PHACTR1: variants seen among roughly 807,000 people sequenced by gnomAD.
PHACTR1 encodes the protein phosphatase and actin regulator 1.
PHACTR1 carries 16 observed loss-of-function variants against 69.2 expected under a neutral mutation model. The observed-to-expected ratio is 0.23, with a 90% CI of 0.16 to 0.35. The LOEUF is 0.35. Ranked by LOEUF, PHACTR1 falls within the 10% of genes least tolerant of loss-of-function variation. The pLI, the probability that PHACTR1 is intolerant of heterozygous loss-of-function variation, is 1.00. For missense variants in PHACTR1, 510 were observed against 734.7 expected, an observed-to-expected ratio of 0.69 and a Z score of 3.54; for synonymous variants, 312 against 284.5, an observed-to-expected ratio of 1.10 and a Z score of -0.97.
chr6:13,185,651 G>A (rs1437672929), intron 7 of PHACTR1, among the ~76,000 whole-genome samples: 3 of 152,162 alleles, frequency 2.0e-5, no homozygotes, highest in Non-Finnish European at 4.4e-5. Context: ...ACTGCACTTT[G>A]GCACATGAAT....
At chr6:12,881,754 G>A (rs755638631) in intron 4 of PHACTR1, among the ~76,000 whole-genome samples, 17 of 152,064 alleles carry the variant, frequency 1.1e-4, no homozygotes, top group Non-Finnish European at 1.5e-5. Context: ...CTAAGTAAAT[G>A]GTACTAAACA....
rs1220712730 is a variant in PHACTR1, at chr6:13,206,036, C to G, written c.886C>G (p.Leu296Val). Reference sequence around the variant, plus strand: ...GCAGTACGGCAGCCACGGCCAGCACCTCCCCTCCACCACCGGCTCCCTCCC... The same window carrying G: ...GCAGTACGGCAGCCACGGCCAGCACGTCCCCTCCACCACCGGCTCCCTCCC... The part of the protein sequence containing the change: ...QLQYGSHGQH[L>V]PSTTGSLPMH... Residue 296 changes from leucine (L) to valine (V), a missense_variant, in exon 8 of 15, where the codon CTC (leucine) becomes GTC (valine). By Grantham distance (32) the Leu-to-Val change is conservative. This residue lies in a region of PHACTR1 where 419 missense variants were observed against 530.9 expected (regional missense o/e 0.79). Coordinates refer to ENST00000332995, the MANE Select transcript of PHACTR1 (RefSeq NM_030948.6). The G allele has an allele frequency of 6.2e-7, 1 of 1,613,848 alleles. No individual in the cohort carries two copies. The highest frequency in any genetic ancestry group is 8.5e-7 in the Non-Finnish European group (1 of 1,179,888).
rs139920586 is a variant in PHACTR1, at chr6:13,248,656, A to G, written c.1391+18463A>G. 3.7e-3 allele frequency among the ~76,000 whole-genome samples: 560 copies of G among 152,262 alleles called. 4 individuals carry two copies. The highest frequency in any genetic ancestry group is 0.013 in the African/African-American group (547 of 41,536). ...GTGAGAGACCCTGTTAGAGGAGATA[A>G]ATCATCATTGTAAGGCCAATTAGTA... is the stretch of plus-strand genomic sequence containing the variant. On this transcript the variant is annotated intron_variant, in intron 10 of 14. Transcript: ENST00000332995.
chr6:12,988,008 A>T (rs575953978), intron 4 of PHACTR1, among the ~76,000 whole-genome samples: 1 of 152,168 alleles, frequency 6.6e-6, no homozygotes, highest in Non-Finnish European at 1.5e-5. Flanking sequence ...CCACTGGTGC[A>T]CATTTCTAAG....
chr6:13,170,452 A>G (rs1583698690), intron 6 of PHACTR1, among the ~76,000 whole-genome samples: 1 of 152,156 alleles, frequency 6.6e-6, no homozygotes, highest in African/African-American at 2.4e-5. Flanking sequence ...TGCCTCATCC[A>G]CATGTCCCCG....
rs376469545 is a variant in PHACTR1, at chr6:12,816,016, C to G, written c.250+66226C>G. On this transcript the variant is annotated intron_variant, in intron 4 of 14. Coordinates refer to ENST00000332995, the MANE Select transcript of PHACTR1 (RefSeq NM_030948.6). ...TGGGCAAGGCAAGAGAAAGTTAACT[C>G]ACTACACCTCTTCACCCCTGCAGGT... is the stretch of plus-strand genomic sequence containing the variant. Among the ~76,000 whole-genome samples the G allele has an allele frequency of 2.0e-5, 3 of 152,298 alleles. No homozygotes were observed. The South Asian group carries it at 6.2e-4, about 32-fold the overall frequency.
chr6:12,844,213 A>G (rs539092917), intron 4 of PHACTR1, among the ~76,000 whole-genome samples: 1 of 152,220 alleles, frequency 6.6e-6, no homozygotes, highest in African/African-American at 2.4e-5. Context: ...TGGGCAACAT[A>G]GCAAGATTCC....
chr6:13,153,566 A>G (rs1757759392), intron 5 of PHACTR1, among the ~76,000 whole-genome samples: 1 of 152,214 alleles, frequency 6.6e-6, no homozygotes, highest in Non-Finnish European at 1.5e-5. Context: ...TGTTTCTAGA[A>G]GTAGTCTTTG....
chr6:12,845,732 C>T (rs1373283734), intron 4 of PHACTR1, among the ~76,000 whole-genome samples: 1 of 152,116 alleles, frequency 6.6e-6, no homozygotes, highest in African/African-American at 2.4e-5. Context: ...GGCTCTGATA[C>T]GGAATTGTGC....
intron 4 of PHACTR1, among the ~76,000 whole-genome samples, chr6:12,886,578 G>A (rs189525324): frequency 9.9e-5 from 15 of 152,246 alleles, no homozygotes; most frequent in South Asian, 2.1e-4. Context: ...CAAAGGATTC[G>A]CTGAACTTGA....
In PHACTR1 at chr6:12,812,814, C is replaced by T. The variant is rs116187287; in HGVS notation, c.250+63024C>T. On this transcript the variant is annotated intron_variant, in intron 4 of 14. Coordinates refer to ENST00000332995, the MANE Select transcript of PHACTR1 (RefSeq NM_030948.6). ...AAGAGAGACTTATTACAGAAATTCC[C>T]GTTGCACTTCAGCGGTGTGTAATTG... Among the ~76,000 whole-genome samples the T allele has an allele frequency of 2.4e-3, 370 of 152,276 alleles. 2 individuals carry two copies. Among genetic ancestry groups the T allele is most frequent in the African/African-American group, 8.6e-3 (356 of 41,552 alleles).
chr6:13,218,623 C>A (rs999963824), intron 8 of PHACTR1, among the ~76,000 whole-genome samples: 5 of 152,024 alleles, frequency 3.3e-5, no homozygotes, highest in Admixed American at 1.3e-4. Context: ...AGTTTGAGAC[C>A]AGTCTGGCCA....
chr6:12,965,348 C>A (rs1793311950), intron 4 of PHACTR1, among the ~76,000 whole-genome samples: 1 of 152,026 alleles, frequency 6.6e-6, no homozygotes, highest in African/African-American at 2.4e-5. Context: ...CAGACATGTG[C>A]AGAGCAGCGA....
At chr6:13,034,340 C>T (rs1802963809) in intron 4 of PHACTR1, among the ~76,000 whole-genome samples, 3 of 152,296 alleles carry the variant, frequency 2.0e-5, no homozygotes, top group African/African-American at 7.2e-5. Flanking sequence ...TTCTAATGCA[C>T]AAAGCTGCAC....
intron 4 of PHACTR1, among the ~76,000 whole-genome samples, chr6:12,823,790 T>G (rs1027110544): frequency 6.6e-6 from 1 of 152,252 alleles, no homozygotes; most frequent in East Asian, 1.9e-4. Context: ...TACTTAGTGT[T>G]AATTCATCAT....
chr6:12,914,898 G>C (rs775452274), intron 4 of PHACTR1, among the ~76,000 whole-genome samples: 2 of 152,178 alleles, frequency 1.3e-5, no homozygotes, highest in Non-Finnish European at 2.9e-5. Context: ...GAAGTCCACT[G>C]GATGATGGAG....
chr6:13,285,163 G>A (rs1209648956), intron 13 of PHACTR1, among the ~76,000 whole-genome samples: 1 of 152,208 alleles, frequency 6.6e-6, no homozygotes, highest in Non-Finnish European at 1.5e-5. Flanking sequence ...CACCCTCATA[G>A]AGTTCTGAGT....
chr6:13,066,915 T>A (rs1461868446), intron 5 of PHACTR1, among the ~76,000 whole-genome samples: 1 of 152,192 alleles, frequency 6.6e-6, no homozygotes, highest in Non-Finnish European at 1.5e-5. Context: ...CACATTATTC[T>A]AATGGTTAAA....
chr6:13,056,876 T>A (rs1447790009), intron 5 of PHACTR1, among the ~76,000 whole-genome samples: 1 of 152,076 alleles, frequency 6.6e-6, no homozygotes, highest in African/African-American at 2.4e-5. Flanking sequence ...ATAATGAGAA[T>A]TATCTGATAT....
Sources: gnomAD v4.1 joint callset for allele counts (sites outside exome capture counted in the v4.1 genomes callset) on GRCh38, gnomAD v4.1.1 for gene constraint, gnomAD v4.1.1 regional missense constraint, MANE v1.5 for transcripts, NCBI Gene and HGNC (gene_info 2026-07-23, HGNC 2026-07-21) for gene names.